Variants in IRF2 observed in about 807,000 individuals in gnomAD.
IRF2 encodes the protein interferon regulatory factor 2.
IRF2 carries 15 observed loss-of-function variants against 40.6 expected under a neutral mutation model. The ratio of observed to expected loss-of-function variants is 0.37; its 90% confidence interval spans 0.25 to 0.57. The LOEUF is 0.57. Among genes scored for constraint, IRF2 ranks in the 20% least tolerant of loss-of-function variants. The pLI is 0.77. For synonymous variants in IRF2, 151 were observed against 165.5 expected, an observed-to-expected ratio of 0.91 and a Z score of 0.67; for missense variants, 317 against 455.7, an observed-to-expected ratio of 0.70 and a Z score of 2.77.
chr4:184,404,749 G>A (rs188427309), intron 6 of IRF2, among the ~76,000 whole-genome samples: 5 of 152,260 alleles, frequency 3.3e-5, no homozygotes, highest in Admixed American at 1.3e-4. Context: ...GAAGATCACC[G>A]CGGGGCCGGT....
intron 5 of IRF2, among the ~76,000 whole-genome samples, chr4:184,412,005 TAAAAAAAAA>T (rs35183333): frequency 1.0e-5 from 1 of 95,238 alleles, no homozygotes; most frequent in Non-Finnish European, 2.0e-5. Flanking sequence ...CTCCAAAGAT[TAAAAAAAAA>T]AAAAAAAAAA....
intron 1 of IRF2, among the ~76,000 whole-genome samples, chr4:184,447,399 C>G (rs1047576004): frequency 1.3e-5 from 2 of 152,096 alleles, no homozygotes; most frequent in Admixed American, 6.5e-5. Flanking sequence ...AGAATGCAAA[C>G]AAATAAATGT....
intron 1 of IRF2, among the ~76,000 whole-genome samples, chr4:184,459,514 T>G (rs1739057168): frequency 6.6e-6 from 1 of 152,210 alleles, no homozygotes; most frequent in African/African-American, 2.4e-5. Flanking sequence ...TTCCTCAAAG[T>G]GTGCTTCATC....
At chr4:184,446,887 T>C (rs1004224544) in intron 1 of IRF2, among the ~76,000 whole-genome samples, 1 of 151,836 alleles carries the variant, frequency 6.6e-6, no homozygotes, top group Admixed American at 6.6e-5. Context: ...ACCCAGGAAG[T>C]GGAGCTTGCA....
intron 1 of IRF2, among the ~76,000 whole-genome samples, chr4:184,444,366 GC>G (rs1443247327): frequency 1.3e-5 from 2 of 152,136 alleles, no homozygotes; most frequent in African/African-American, 4.8e-5. Flanking sequence ...ACTTCCCAGG[GC>G]ACTGCTTCAG....
chr4:184,394,018 C>G (rs1362566115), intron 7 of IRF2, among the ~76,000 whole-genome samples: 1 of 152,192 alleles, frequency 6.6e-6, no homozygotes, highest in African/African-American at 2.4e-5. Flanking sequence ...TTTCATTTTC[C>G]CTTTTGATTA....
chr4:184,433,150 G>C (rs1469093850), intron 1 of IRF2, among the ~76,000 whole-genome samples: 1 of 152,120 alleles, frequency 6.6e-6, no homozygotes, highest in Non-Finnish European at 1.5e-5. Flanking sequence ...AGAATGATAG[G>C]GTCAGTTTGG....
chr4:184,389,902 C>T (rs34825263), intron 8 of IRF2, among the ~76,000 whole-genome samples: 70 of 152,294 alleles, frequency 4.6e-4, no homozygotes, highest in East Asian at 9.6e-4. Context: ...TAGAGCTCCA[C>T]GGTGTACAGC....
At chr4:184,429,226 C>T (rs1285628536) in intron 1 of IRF2, among the ~76,000 whole-genome samples, 156 bp from the exon 2 acceptor site, 1 of 152,182 alleles carries the variant, frequency 6.6e-6, no homozygotes, top group African/African-American at 2.4e-5. Context: ...GCTGTGCCAC[C>T]TGTGCAAGCC....
intron 1 of IRF2, among the ~76,000 whole-genome samples, chr4:184,433,893 C>CT (rs570452050): frequency 6.6e-6 from 1 of 152,230 alleles, no homozygotes; most frequent in Non-Finnish European, 1.5e-5. Context: ...TACATCTTTA[C>CT]TTCTGTGAAA....
chr4:184,427,517 G>A (rs187510687), intron 2 of IRF2, among the ~76,000 whole-genome samples: 29 of 152,244 alleles, frequency 1.9e-4, no homozygotes, highest in South Asian at 4.1e-4. Context: ...ATCCAGGAGC[G>A]CACCTGTGGT....
In IRF2 at chr4:184,429,430, G is replaced by A. The variant is rs191219539; in HGVS notation, c.-6-360C>T. Among the ~76,000 whole-genome samples, 488 of 152,324 alleles carry A rather than the reference G, an allele frequency of 3.2e-3. 4 individuals carry two copies. Among genetic ancestry groups the A allele is most frequent in the African/African-American group, 0.01 (434 of 41,572 alleles). ...GTTGCTCAGAGGCCCCAACGCCTTTGGGGATGATCCTTCCAAGAGCCAAGG... is the reference window on the plus strand; with the variant it reads ...GTTGCTCAGAGGCCCCAACGCCTTTAGGGATGATCCTTCCAAGAGCCAAGG... On this transcript the variant is annotated intron_variant, in intron 1 of 8. Transcript: ENST00000393593.
chr4:184,455,905 C>A (rs977006712), intron 1 of IRF2, among the ~76,000 whole-genome samples: 2 of 152,222 alleles, frequency 1.3e-5, no homozygotes, highest in Admixed American at 6.5e-5. Flanking sequence ...CAAGCATTAT[C>A]TAAAGCTCTG....
At chr4:184,418,496 T>C (rs1465584350) in intron 4 of IRF2, 36 bp downstream of exon 4, 2 of 1,590,960 alleles carry the variant, frequency 1.3e-6, no homozygotes, top group African/African-American at 1.3e-5. Flanking sequence ...ATGACACAAA[T>C]TGATTTACCT....
In IRF2 at chr4:184,406,145, A is replaced by G. The variant is rs7669260; in HGVS notation, c.529+2013T>C. On this transcript the variant is annotated intron_variant, in intron 6 of 8. Coordinates refer to ENST00000393593, the MANE Select transcript of IRF2 (RefSeq NM_002199.4). ...GGGGTGAACAACTCAGCTTCCAGGA[A>G]GAAGGCATGGGCACAGCTGACAGCA... 5.7e-3 allele frequency among the ~76,000 whole-genome samples: 869 copies of G among 152,240 alleles called. 13 individuals are homozygous for G. The highest frequency in any genetic ancestry group is 0.02 in the African/African-American group (828 of 41,548).
intron 5 of IRF2, among the ~76,000 whole-genome samples, chr4:184,409,552 C>G (rs1736995800): frequency 6.6e-6 from 1 of 152,172 alleles, no homozygotes; most frequent in African/African-American, 2.4e-5. Context: ...ACTCCTTTCT[C>G]CCCCAGCATC....
At chr4:184,418,245 T>C in intron 4 of IRF2, 32 bp from the exon 5 acceptor site, 1 of 1,513,082 alleles carries the variant, frequency 6.6e-7, no homozygotes, top group Non-Finnish European at 9.2e-7. Context: ...TTTGGATTAA[T>C]TCACGAAGGG....
chr4:184,435,154 G>A (rs893365019), intron 1 of IRF2, among the ~76,000 whole-genome samples: 1 of 152,204 alleles, frequency 6.6e-6, no homozygotes, highest in Non-Finnish European at 1.5e-5. Context: ...CTGCTAGTAA[G>A]TGGAGAGCCA....
At chr4:184,470,130 C>T (rs928682069) in intron 1 of IRF2, among the ~76,000 whole-genome samples, 2 of 152,162 alleles carry the variant, frequency 1.3e-5, no homozygotes, top group East Asian at 1.9e-4. Flanking sequence ...AGGGGGCCGA[C>T]GGGGCAGGCA....
Sources: gnomAD v4.1 joint callset for allele counts (sites outside exome capture counted in the v4.1 genomes callset) on GRCh38, gnomAD v4.1.1 for gene constraint, MANE v1.5 for transcripts, NCBI Gene and HGNC (gene_info 2026-07-23, HGNC 2026-07-21) for gene names.